Variants in BNC2 observed in about 807,000 individuals in gnomAD.
BNC2 encodes the protein zinc finger protein basonuclin-2.
BNC2 carries 20 observed loss-of-function variants against 76.3 expected under a neutral mutation model. The ratio of observed to expected loss-of-function variants is 0.26; its 90% CI spans 0.18 to 0.38. The LOEUF (loss-of-function observed/expected upper bound fraction) is 0.38, where lower values mean the gene tolerates loss of function less well. Among genes scored for constraint, BNC2 ranks in the 10% least tolerant of loss-of-function variants. The probability of loss-of-function intolerance (pLI) is 1.00; values close to 1 mark genes in which losing one functional copy is unlikely to be tolerated. For missense variants in BNC2, 1,382 were observed against 1,399.8 expected, an observed-to-expected ratio of 0.99 and a Z score of 0.20; for synonymous variants, 582 against 514.8, an observed-to-expected ratio of 1.13 and a Z score of -1.77.
At chr9:16,674,237 T>C (rs1250117860) in intron 3 of BNC2, among the ~76,000 whole-genome samples, 2 of 152,204 alleles carry the variant, frequency 1.3e-5, no homozygotes, top group African/African-American at 2.4e-5. Flanking sequence ...TAAACTGTCC[T>C]CTAGAATGCT....
At chr9:16,741,056 G>A (rs1426915915) in intron 1 of BNC2, among the ~76,000 whole-genome samples, 1 of 152,090 alleles carries the variant, frequency 6.6e-6, no homozygotes, top group Non-Finnish European at 1.5e-5. Context: ...ATAAATAACA[G>A]CTACATGAAC....
At chr9:16,435,123 A>G (rs1308783388) in intron 6 of BNC2, 1 of 470,790 alleles carries the variant, frequency 2.1e-6, no homozygotes, top group East Asian at 7.0e-5. Context: ...ATATGTGTGT[A>G]TGAAGATAAT....
rs139744564 is a variant in BNC2 at position 16,667,080 on chromosome 9, T to TACAC, written c.330+60713_330+60716dup. Among the ~76,000 whole-genome samples, 1,214 of 142,444 alleles carry TACAC rather than the reference T, an allele frequency of 8.5e-3. 25 individuals are homozygous for TACAC. The highest frequency in any genetic ancestry group is 0.061 in the East Asian group (295 of 4,852). The allele number at this position is 142,444 out of a possible 152,430, so 93.4% of individuals were successfully genotyped here. ...AAAGCACACATCACTCAGATACACA[T>TACAC]ACACACACACACACACACACACACA... On this transcript the variant is annotated intron_variant, in intron 3 of 6. Coordinates refer to ENST00000380672, the MANE Select transcript of BNC2 (RefSeq NM_017637.6).
intron 3 of BNC2, among the ~76,000 whole-genome samples, chr9:16,617,888 A>C (rs191587581): frequency 2.2e-3 from 329 of 152,322 alleles, no homozygotes; most frequent in Non-Finnish European, 2.7e-3. Context: ...AGTATCACAG[A>C]GACAGTACAA....
rs574001820 is a variant in BNC2, at chr9:16,750,010, T to C, written c.4-11525A>G. ...CAGTTTTATATTCATTTACACTGCA[T>C]GCATTTACACTTGAAACTATAGTAG... On this transcript the variant is annotated intron_variant, in intron 1 of 6. Coordinates refer to ENST00000380672, the MANE Select transcript of BNC2 (RefSeq NM_017637.6). Among the ~76,000 whole-genome samples the C allele has an allele frequency of 1.2e-4, 18 of 152,340 alleles. No homozygotes were observed. In the South Asian group the frequency reaches 3.7e-3, roughly 32 times the overall value.
chr9:16,522,954 A>G (rs1817667371), intron 5 of BNC2, among the ~76,000 whole-genome samples: 1 of 152,186 alleles, frequency 6.6e-6, no homozygotes, highest in African/African-American at 2.4e-5. Flanking sequence ...TCTAAGCCTC[A>G]TAAAGAAAGC....
At chr9:16,672,592 C>T (rs764466974) in intron 3 of BNC2, among the ~76,000 whole-genome samples, 44 of 152,298 alleles carry the variant, frequency 2.9e-4, no homozygotes, top group South Asian at 1.0e-3. Flanking sequence ...ACGATTTTAT[C>T]GTATCACACT....
intron 3 of BNC2, among the ~76,000 whole-genome samples, chr9:16,666,501 G>A (rs1008215245): frequency 3.0e-4 from 46 of 152,138 alleles, no homozygotes; most frequent in African/African-American, 1.0e-3. Flanking sequence ...AAAGGTTACC[G>A]ACCAACACTA....
intron 5 of BNC2, among the ~76,000 whole-genome samples, chr9:16,459,574 C>T (rs1821529488): frequency 6.6e-6 from 1 of 151,796 alleles, no homozygotes; most frequent in South Asian, 2.1e-4. Flanking sequence ...CACAGAAACA[C>T]AAGCAATACA....
At position 16,418,818 on chromosome 9, in the gene BNC2, T is replaced by C. The variant is rs570878276; in HGVS notation, c.*171A>G. Reference sequence around the variant, plus strand: ...ATTCAAAAGCACCTAGTGTTTATCTTGTTTATCTCAAGGAAATACGTGTGT... The same window carrying C: ...ATTCAAAAGCACCTAGTGTTTATCTCGTTTATCTCAAGGAAATACGTGTGT... On this transcript the variant is annotated 3_prime_UTR_variant, in exon 7 of 7. Transcript: ENST00000380672. 13 of 750,234 alleles carry C rather than the reference T, an allele frequency of 1.7e-5. No homozygotes were observed. The South Asian group carries it at 2.3e-4, about 13-fold the overall frequency. The allele number at this position is 750,234 out of a possible 1,614,324, so 46.5% of individuals were successfully genotyped here.
chr9:16,605,059 TC>T (rs1285659872), intron 3 of BNC2, among the ~76,000 whole-genome samples: 1 of 152,128 alleles, frequency 6.6e-6, no homozygotes, highest in East Asian at 1.9e-4. Flanking sequence ...TCATGTGATG[TC>T]CCCTCATACA....
intron 1 of BNC2, among the ~76,000 whole-genome samples, chr9:16,812,002 G>GCT (rs1277243061): frequency 6.6e-6 from 1 of 152,218 alleles, no homozygotes; most frequent in Non-Finnish European, 1.5e-5. Context: ...TGCAGAAAGA[G>GCT]CTCTGCCTGC....
intron 1 of BNC2, among the ~76,000 whole-genome samples, chr9:16,751,863 C>T (rs922709962): frequency 6.6e-6 from 1 of 151,874 alleles, no homozygotes; most frequent in Non-Finnish European, 1.5e-5. Context: ...AACCCCATCT[C>T]TACTAAAATA....
chr9:16,699,010 A>G (rs10810593), intron 3 of BNC2, among the ~76,000 whole-genome samples: 91,389 of 152,108 alleles, frequency 0.6, 31,269 homozygotes, highest in Non-Finnish European at 0.79. Context: ...ATCAGTATGC[A>G]AACTTTAGAT....
At chr9:16,479,386 T>A (rs1821998416) in intron 5 of BNC2, among the ~76,000 whole-genome samples, 1 of 152,186 alleles carries the variant, frequency 6.6e-6, no homozygotes, top group Admixed American at 6.5e-5. Flanking sequence ...CTTCAACTGC[T>A]ATCTCTCATG....
intron 5 of BNC2, among the ~76,000 whole-genome samples, chr9:16,546,950 C>T (rs1818502683): frequency 6.6e-6 from 1 of 152,138 alleles, no homozygotes; most frequent in African/African-American, 2.4e-5. Context: ...TATGTATAAG[C>T]CTGGGTGCTG....
chr9:16,818,317 T>C (rs756490578), intron 1 of BNC2, among the ~76,000 whole-genome samples: 1 of 151,988 alleles, frequency 6.6e-6, no homozygotes, highest in South Asian at 2.1e-4. Flanking sequence ...GGCAGGAGAA[T>C]GGCGTGAACC....
intron 2 of BNC2, among the ~76,000 whole-genome samples, chr9:16,734,602 C>T (rs1824611218): frequency 6.6e-6 from 1 of 152,138 alleles, no homozygotes; most frequent in South Asian, 2.1e-4. Flanking sequence ...AGATCATGGT[C>T]CAAGTTGGAA....
intron 6 of BNC2, among the ~76,000 whole-genome samples, chr9:16,431,887 C>T (rs924896228): frequency 1.3e-5 from 2 of 152,148 alleles, no homozygotes; most frequent in African/African-American, 4.8e-5. Flanking sequence ...CTAATGCCAC[C>T]ACTGACAGGA....
Sources: allele counts gnomAD v4.1 joint callset (sites outside exome capture counted in the v4.1 genomes callset), GRCh38; gene constraint gnomAD v4.1.1; transcripts MANE v1.5; gene names NCBI Gene and HGNC (gene_info 2026-07-23, HGNC 2026-07-21).